Variants in NRCAM observed in about 807,000 individuals in gnomAD.
NRCAM encodes the protein neuronal cell adhesion molecule, also known as NgCAM-related cell adhesion molecule.
In NRCAM, 83 loss-of-function variants were observed where a neutral mutation model predicts 156.5. The ratio of observed to expected loss-of-function variants is 0.53; its 90% CI spans 0.44 to 0.64. NRCAM has a LOEUF of 0.64. Ranked by LOEUF, NRCAM falls within the 30% of genes least tolerant of loss-of-function variation. The pLI is 0.00. For synonymous variants in NRCAM, 538 were observed against 563.9 expected (o/e 0.95, Z 0.65); for missense variants, 1,417 against 1,597.3 (o/e 0.89, Z 1.92).
chr7:108,206,806 C>T (rs573396375), intron 13 of NRCAM, among the ~76,000 whole-genome samples: 33 of 152,274 alleles, frequency 2.2e-4, no homozygotes, highest in African/African-American at 7.9e-4. Flanking sequence ...AAGCCACACG[C>T]TGGGAAGCAT....
chr7:108,363,308 CTG>C (rs1781526042), intron 2 of NRCAM, among the ~76,000 whole-genome samples: 1 of 152,114 alleles, frequency 6.6e-6, no homozygotes, highest in Non-Finnish European at 1.5e-5. Flanking sequence ...GGTTCTCACT[CTG>C]TTGCTCAGGC....
At chr7:108,266,472 A>G (rs1397303316) in intron 3 of NRCAM, among the ~76,000 whole-genome samples, 1 of 152,234 alleles carries the variant, frequency 6.6e-6, no homozygotes, top group Non-Finnish European at 1.5e-5. Flanking sequence ...TCCAAAGGTA[A>G]TCAGCCACTG....
intron 3 of NRCAM, among the ~76,000 whole-genome samples, chr7:108,311,832 T>G (rs991386314): frequency 1.3e-5 from 2 of 152,240 alleles, no homozygotes; most frequent in African/African-American, 2.4e-5. Flanking sequence ...AAATCTTGTA[T>G]ACAATCTTCT....
chr7:108,352,657 A>G (rs2099424963), intron 2 of NRCAM, among the ~76,000 whole-genome samples: 1 of 152,234 alleles, frequency 6.6e-6, no homozygotes, highest in African/African-American at 2.4e-5. Context: ...GTTTTACTTG[A>G]CAAATATCAA....
intron 20 of NRCAM, among the ~76,000 whole-genome samples, chr7:108,187,882 G>A (rs1450380763): frequency 6.6e-6 from 1 of 152,064 alleles, no homozygotes; most frequent in Non-Finnish European, 1.5e-5. Context: ...GTGAACCCGG[G>A]AGGCAGAGCT....
chr7:108,283,710 CCTT>C (rs2097950678), intron 3 of NRCAM, among the ~76,000 whole-genome samples: 1 of 152,196 alleles, frequency 6.6e-6, no homozygotes, highest in African/African-American at 2.4e-5. Context: ...CCCCTTGCTA[CCTT>C]CTTTTCAGTG....
intron 1 of NRCAM, among the ~76,000 whole-genome samples, chr7:108,452,591 T>G (rs1314376701): frequency 6.6e-6 from 1 of 152,198 alleles, no homozygotes; most frequent in Non-Finnish European, 1.5e-5. Flanking sequence ...ATGCTTCAGG[T>G]AGGGAAGCAT....
intron 3 of NRCAM, among the ~76,000 whole-genome samples, chr7:108,268,213 A>T (rs2097181878): frequency 6.6e-6 from 1 of 152,204 alleles, no homozygotes; most frequent in Non-Finnish European, 1.5e-5. Flanking sequence ...ATTTTGTAGA[A>T]TCATCACAAA....
At position 108,366,611 on chromosome 7, in the gene NRCAM, A is replaced by C. The variant is rs1315678278; in HGVS notation, c.-174+32825T>G. Among the ~76,000 whole-genome samples, 3 of 152,208 alleles carry C rather than the reference A, an allele frequency of 2.0e-5. No homozygotes were observed. In the East Asian group the frequency reaches 5.8e-4, roughly 29 times the overall value. ...AATGAATATTACAACTTTTACGACA[A>C]AGAGTTGTTACTGAGAATTAAAAAG... On this transcript the variant is annotated intron_variant, in intron 2 of 32. Coordinates refer to ENST00000379028, the MANE Select transcript of NRCAM (RefSeq NM_001037132.4).
At chr7:108,289,841 C>G (rs1591875370) in intron 3 of NRCAM, among the ~76,000 whole-genome samples, 1 of 152,142 alleles carries the variant, frequency 6.6e-6, no homozygotes, top group Non-Finnish European at 1.5e-5. Flanking sequence ...CCCAAGCCCA[C>G]TGAATAGAAA....
intron 3 of NRCAM, among the ~76,000 whole-genome samples, chr7:108,250,628 A>C (rs1461741644): frequency 1.2e-4 from 18 of 151,892 alleles, no homozygotes; most frequent in Admixed American, 1.2e-3. Flanking sequence ...GTTGGGGTGG[A>C]AATGGGGATG....
intron 26 of NRCAM, 26 bp from the exon 27 acceptor site, chr7:108,176,632 T>A (rs1423625753): frequency 6.4e-7 from 1 of 1,553,234 alleles, no homozygotes; most frequent in Non-Finnish European, 8.8e-7. Context: ...AATGAACAAG[T>A]GCATTCTCCA....
chr7:108,318,951 C>A (rs76702689), intron 2 of NRCAM, among the ~76,000 whole-genome samples: 12,073 of 152,130 alleles, frequency 0.079, 504 homozygotes, highest in East Asian at 0.11. Flanking sequence ...AAGAAAGATT[C>A]TAAGGCAAAT....
At chr7:108,385,941 G>C (rs575817645) in intron 2 of NRCAM, among the ~76,000 whole-genome samples, 1 of 152,144 alleles carries the variant, frequency 6.6e-6, no homozygotes, top group Non-Finnish European at 1.5e-5. Context: ...GAGGGAAAGA[G>C]AGAGAATATG....
rs1175906792 is a variant in NRCAM at position 108,147,704 on chromosome 7, C to T, written c.*2206G>A. 1 of 152,322 alleles carries T rather than the reference C, an allele frequency of 6.6e-6. No homozygotes were observed. The highest frequency in any genetic ancestry group is 6.5e-5 in the Admixed American group (1 of 15,280). The allele number at this position is 152,322 out of a possible 1,614,324, so 9.4% of individuals were successfully genotyped here. ...TTTGAGGGAAATCCAGTCACATTTG[C>T]CTGTACCATTACATACACCATTACT... On this transcript the variant is annotated 3_prime_UTR_variant, in exon 33 of 33. Coordinates refer to ENST00000379028, the MANE Select transcript of NRCAM (RefSeq NM_001037132.4).
intron 3 of NRCAM, among the ~76,000 whole-genome samples, chr7:108,281,462 G>A (rs906940168): frequency 7.9e-5 from 12 of 152,202 alleles, no homozygotes; most frequent in Admixed American, 6.5e-4. Flanking sequence ...AAGGCATGAC[G>A]TGCTATGAGA....
intron 5 of NRCAM, among the ~76,000 whole-genome samples, chr7:108,235,419 A>G (rs781493265): frequency 5.9e-5 from 9 of 152,196 alleles, no homozygotes; most frequent in Non-Finnish European, 1.2e-4. Flanking sequence ...ATGCTCTTCA[A>G]ATTGTTCTAA....
chr7:108,395,319 G>A (rs747012284), intron 2 of NRCAM, among the ~76,000 whole-genome samples: 2 of 152,216 alleles, frequency 1.3e-5, no homozygotes, highest in Non-Finnish European at 2.9e-5. Flanking sequence ...AGGCAGTGGA[G>A]AGTGAAAATT....
chr7:108,323,727 A>C (rs1021299117), intron 2 of NRCAM, among the ~76,000 whole-genome samples: 1 of 152,176 alleles, frequency 6.6e-6, no homozygotes, highest in African/African-American at 2.4e-5. Context: ...ATAGTAATTA[A>C]AATAAGTAAA....
Sources: allele counts gnomAD v4.1 joint callset (sites outside exome capture counted in the v4.1 genomes callset), GRCh38; gene constraint gnomAD v4.1.1; transcripts MANE v1.5; gene names NCBI Gene and HGNC (gene_info 2026-07-23, HGNC 2026-07-21).